The following TENM4 variants were observed in gnomAD, a reference collection of about 807,000 sequenced individuals.
TENM4 encodes teneurin-4.
In TENM4, 82 loss-of-function variants were observed where a neutral mutation model predicts 243.3. That is an observed-to-expected ratio of 0.34 (90% CI 0.28 to 0.40). TENM4 has a LOEUF of 0.40. TENM4 is among the 10% of genes least tolerant of loss of function. The pLI, the probability that TENM4 is intolerant of heterozygous loss-of-function variation, is 1.00. For missense variants in TENM4, 3,138 were observed against 3,673.3 expected (o/e 0.85, Z 3.77); for synonymous variants, 1,412 against 1,456.3 (o/e 0.97, Z 0.69).
intron 2 of TENM4, among the ~76,000 whole-genome samples, chr11:79,238,487 C>T (rs1864520891): frequency 1.3e-5 from 2 of 152,128 alleles, no homozygotes; most frequent in African/African-American, 4.8e-5. Flanking sequence ...GACATGAGAA[C>T]TCCTGGTTCT....
intron 19 of TENM4, among the ~76,000 whole-genome samples, chr11:78,749,755 A>G (rs1465680386): frequency 2.0e-5 from 3 of 152,198 alleles, no homozygotes; most frequent in Non-Finnish European, 4.4e-5. Context: ...ATGGAATTCT[A>G]AGACTTAGGT....
intron 6 of TENM4, among the ~76,000 whole-genome samples, chr11:79,052,364 T>C (rs1246144362): frequency 3.9e-5 from 6 of 152,240 alleles, no homozygotes; most frequent in Non-Finnish European, 7.3e-5. Context: ...TGCATTTCTC[T>C]GATGATCAGT....
At chr11:79,167,047 T>G (rs1862929520) in intron 3 of TENM4, among the ~76,000 whole-genome samples, 1 of 152,214 alleles carries the variant, frequency 6.6e-6, no homozygotes, top group South Asian at 2.1e-4. Context: ...CCAGAACATT[T>G]TATTCACCCA....
At chr11:78,831,716 G>A (rs529295084) in intron 12 of TENM4, among the ~76,000 whole-genome samples, 53 of 152,326 alleles carry the variant, frequency 3.5e-4, no homozygotes, top group African/African-American at 1.3e-3. Flanking sequence ...CAGTAATGAA[G>A]GACAAAAGAG....
intron 3 of TENM4, among the ~76,000 whole-genome samples, chr11:79,203,768 T>G (rs1380869371): frequency 6.6e-6 from 1 of 152,252 alleles, no homozygotes; most frequent in Non-Finnish European, 1.5e-5. Flanking sequence ...AAAACCTGTA[T>G]GTCCAAAGGG....
chr11:79,318,503 G>A (rs57045170), intron 1 of TENM4, among the ~76,000 whole-genome samples: 29,208 of 152,102 alleles, frequency 0.19, 2,908 homozygotes, highest in African/African-American at 0.24. Context: ...AGTGTTTGCT[G>A]ATTTCCATGG....
intron 3 of TENM4, among the ~76,000 whole-genome samples, chr11:79,164,446 T>C (rs1862857333): frequency 1.5e-5 from 2 of 137,164 alleles, no homozygotes; most frequent in South Asian, 4.4e-4. Context: ...ATGTACTATA[T>C]AGTATATATA....
intron 2 of TENM4, among the ~76,000 whole-genome samples, chr11:79,235,049 C>T (rs975317227): frequency 4.6e-5 from 7 of 152,148 alleles, no homozygotes; most frequent in Non-Finnish European, 1.0e-4. Flanking sequence ...CGCGGTGACT[C>T]ATGCCTGCAA....
chr11:79,243,577 A>C (rs1396252478), intron 2 of TENM4, among the ~76,000 whole-genome samples: 5 of 152,142 alleles, frequency 3.3e-5, no homozygotes. Context: ...GAAACACAAG[A>C]GGAGGGAGGG....
At chr11:78,708,694 G>C (rs1859318888) in intron 26 of TENM4, among the ~76,000 whole-genome samples, 179 bp from the exon 27 acceptor site, 1 of 152,162 alleles carries the variant, frequency 6.6e-6, no homozygotes, top group African/African-American at 2.4e-5. Context: ...TGAGTGACTT[G>C]TTCAAAGCAG....
intron 12 of TENM4, among the ~76,000 whole-genome samples, chr11:78,839,727 C>A (rs909097040): frequency 6.6e-6 from 1 of 152,140 alleles, no homozygotes; most frequent in Non-Finnish European, 1.5e-5. Context: ...TAACCAGGAA[C>A]CATAATATTG....
intron 12 of TENM4, among the ~76,000 whole-genome samples, chr11:78,852,229 C>T (rs1858557199): frequency 6.6e-6 from 1 of 152,230 alleles, no homozygotes; most frequent in Admixed American, 6.5e-5. Context: ...AAAGCCTCCA[C>T]CTCCTTCATT....
At position 79,195,988 on chromosome 11, in the gene TENM4, T is replaced by C. The variant is rs574815354; in HGVS notation, c.-163+19820A>G. On this transcript the variant is annotated intron_variant, in intron 3 of 33. Transcript: ENST00000278550. ...ATGGGGGCTGGTCTTTCCCATGTTA[T>C]TCTCATGATAGTGAATAAGCCTCAC... is the stretch of plus-strand genomic sequence containing the variant. Among the ~76,000 whole-genome samples the C allele has an allele frequency of 5.9e-5, 9 of 152,302 alleles. No homozygotes were observed. The South Asian group carries it at 1.9e-3, about 32-fold the overall frequency.
chr11:79,146,348 T>C (rs968866775), intron 4 of TENM4, among the ~76,000 whole-genome samples: 2 of 152,104 alleles, frequency 1.3e-5, no homozygotes, highest in African/African-American at 4.8e-5. Flanking sequence ...AATTTCCAAA[T>C]TTAAAGAAAA....
chr11:79,090,617 A>C (rs1257103492), intron 4 of TENM4, among the ~76,000 whole-genome samples: 1 of 152,224 alleles, frequency 6.6e-6, no homozygotes, highest in Non-Finnish European at 1.5e-5. Flanking sequence ...ATAGTCAGTA[A>C]GTGCCTGGGC....
chr11:78,764,577 A>T (rs548986407), intron 18 of TENM4, among the ~76,000 whole-genome samples: 1 of 152,264 alleles, frequency 6.6e-6, no homozygotes, highest in South Asian at 2.1e-4. Flanking sequence ...TCAGCTTGAC[A>T]GGGCCCATCA....
intron 3 of TENM4, among the ~76,000 whole-genome samples, chr11:79,171,434 G>A (rs1193446669): frequency 5.9e-5 from 9 of 152,232 alleles, no homozygotes. Context: ...GGGAAACCCA[G>A]CCATGGAAAC....
chr11:78,895,951 C>T (rs1855783487), intron 7 of TENM4, among the ~76,000 whole-genome samples: 1 of 152,188 alleles, frequency 6.6e-6, no homozygotes, highest in Non-Finnish European at 1.5e-5. Flanking sequence ...GACTGGTTCC[C>T]TCTAAGCATG....
At chr11:79,387,463 G>A (rs928424517) in intron 1 of TENM4, among the ~76,000 whole-genome samples, 9 of 152,184 alleles carry the variant, frequency 5.9e-5, no homozygotes, top group Non-Finnish European at 8.8e-5. Flanking sequence ...CCTTGGGCAA[G>A]GCATTTAATC....
Sources: gnomAD v4.1 joint callset for allele counts (sites outside exome capture counted in the v4.1 genomes callset) on GRCh38, gnomAD v4.1.1 for gene constraint, MANE v1.5 for transcripts, NCBI Gene and HGNC (gene_info 2026-07-23, HGNC 2026-07-21) for gene names.